The following DGLUCY variants were observed in gnomAD, a reference collection of about 807,000 sequenced individuals.
DGLUCY encodes D-glutamate cyclase, mitochondrial.
DGLUCY carries 58 observed loss-of-function variants against 58.5 expected under a neutral mutation model. The observed-to-expected ratio is 0.99, with a 90% CI of 0.80 to 1.23. The LOEUF is 1.23. DGLUCY is among the 50% of genes most tolerant of loss of function. The probability of loss-of-function intolerance (pLI) is 0.00; values close to 1 mark genes in which losing one functional copy is unlikely to be tolerated. For synonymous variants in DGLUCY, 325 were observed against 314.1 expected, an observed-to-expected ratio of 1.03 and a Z score of -0.37; for missense variants, 779 against 784.7, an observed-to-expected ratio of 0.99 and a Z score of 0.09.
chr14:91,154,428 TG>T (rs2047499419), intron 1 of DGLUCY, among the ~76,000 whole-genome samples: 1 of 152,192 alleles, frequency 6.6e-6, no homozygotes, highest in South Asian at 2.1e-4. Context: ...GGGATGACTT[TG>T]GGTTCTGTCT....
At chr14:91,132,155 C>T (rs746975765) in intron 1 of DGLUCY, among the ~76,000 whole-genome samples, 2 of 152,204 alleles carry the variant, frequency 1.3e-5, no homozygotes, top group Admixed American at 6.6e-5. Flanking sequence ...AGTTTCCAGA[C>T]ATGGCTATGG....
intron 1 of DGLUCY, among the ~76,000 whole-genome samples, chr14:91,067,333 C>T (rs1290079258): frequency 1.3e-5 from 2 of 151,962 alleles, no homozygotes; most frequent in Admixed American, 1.3e-4. Flanking sequence ...GGGGAGAGGG[C>T]CTCACTTGGC....
At chr14:91,060,576 T>C in exon 1 of DGLUCY, 1 of 1,108,870 alleles carries the variant, frequency 9.0e-7, no homozygotes, top group Non-Finnish European at 1.1e-6. Flanking sequence ...ACGAGTCTCT[T>C]TCCCGCTCTG....
rs761464837 is a variant in DGLUCY at position 91,173,329 on chromosome 14, C to T, written c.497C>T (p.Pro166Leu). Residue 166 changes from proline (P) to leucine (L), a missense_variant, in exon 6 of 14, where the codon CCT becomes CTT. Pro to Leu is a moderately conservative substitution (Grantham distance 98, BLOSUM62 -3). Coordinates refer to ENST00000256324, the MANE Select transcript of DGLUCY (RefSeq NM_001102368.3). ...GTTACCCATGCTGGCTTCTGCTGCC[C>T]TCTGGTGGTCACGATGAGGCCCATT... ...PCVTHAGFCC[P>L]LVVTMRPIPK... 1 of 1,613,660 alleles carries T rather than the reference C, an allele frequency of 6.2e-7. No individual in the cohort carries two copies. The highest frequency in any genetic ancestry group is 8.5e-7 in the Non-Finnish European group (1 of 1,179,936).
At chr14:91,062,129 C>A (rs1224027394) in intron 1 of DGLUCY, among the ~76,000 whole-genome samples, 1 of 152,048 alleles carries the variant, frequency 6.6e-6, no homozygotes, top group Non-Finnish European at 1.5e-5. Flanking sequence ...CAGTCATAGA[C>A]AATAAATAAA....
chr14:91,184,331 G>T (rs1021308513), intron 8 of DGLUCY, among the ~76,000 whole-genome samples: 6 of 151,576 alleles, frequency 4.0e-5, no homozygotes, highest in African/African-American at 1.5e-4. Flanking sequence ...ATCACTTGAG[G>T]TCAGGAGTTG....
chr14:91,194,948 G>A (rs939893560), intron 9 of DGLUCY, among the ~76,000 whole-genome samples: 5 of 152,230 alleles, frequency 3.3e-5, no homozygotes, highest in Admixed American at 2.0e-4. Context: ...AGGGGCAGCA[G>A]CATGGCGGAG....
At chr14:91,161,824 T>C (rs1294005704) in intron 3 of DGLUCY, among the ~76,000 whole-genome samples, 1 of 152,036 alleles carries the variant, frequency 6.6e-6, no homozygotes, top group Non-Finnish European at 1.5e-5. Flanking sequence ...TTTTTTTTTT[T>C]TTTTTAAATA....
intron 1 of DGLUCY, among the ~76,000 whole-genome samples, chr14:91,099,608 T>TA (rs1296425036): frequency 1.3e-5 from 2 of 152,036 alleles, no homozygotes; most frequent in African/African-American, 4.8e-5. Flanking sequence ...TCTGTTCCCT[T>TA]AGGTGAATAT....
At chr14:91,172,757 C>T (rs1299143900) in intron 5 of DGLUCY, among the ~76,000 whole-genome samples, 2 of 152,066 alleles carry the variant, frequency 1.3e-5, no homozygotes, top group Non-Finnish European at 1.5e-5. Context: ...AGCCGTTCTC[C>T]TGCCTCAGCC....
chr14:91,154,392 T>A (rs1242477167), intron 1 of DGLUCY, among the ~76,000 whole-genome samples: 1 of 152,204 alleles, frequency 6.6e-6, no homozygotes, highest in Non-Finnish European at 1.5e-5. Context: ...CAATCAGATA[T>A]GCATTTGTCT....
intron 1 of DGLUCY, among the ~76,000 whole-genome samples, chr14:91,108,541 G>GAA (rs1306711087): frequency 6.7e-6 from 1 of 149,158 alleles, no homozygotes; most frequent in Admixed American, 6.7e-5. Flanking sequence ...GAGAGAGAGA[G>GAA]AGAGAGAGAG....
Position 91,183,577 on chromosome 14 carries a change from A to G in DGLUCY, c.934+2188A>G, listed in dbSNP as rs551408669. On this transcript the variant is annotated intron_variant, in intron 8 of 13. Coordinates refer to ENST00000256324, the MANE Select transcript of DGLUCY (RefSeq NM_001102368.3). ...CATGATAAGGATAATGGTGTCACCT[A>G]CCAAGTTATACTGTGCCAGGCAACA... Among the ~76,000 whole-genome samples, 11 of 152,260 alleles carry G rather than the reference A, an allele frequency of 7.2e-5. 1 individual carries two copies. The South Asian group carries it at 2.3e-3, about 32-fold the overall frequency.
intron 12 of DGLUCY, among the ~76,000 whole-genome samples, chr14:91,207,426 G>C (rs931115062): frequency 6.6e-6 from 1 of 152,130 alleles, no homozygotes; most frequent in Admixed American, 6.5e-5. Flanking sequence ...GGGAATACTA[G>C]AAGGAGAAGA....
intron 1 of DGLUCY, among the ~76,000 whole-genome samples, chr14:91,079,716 T>A (rs1235701419): frequency 6.6e-6 from 1 of 152,206 alleles, no homozygotes; most frequent in Non-Finnish European, 1.5e-5. Flanking sequence ...AAGAGCTTTA[T>A]GCAGAAAATA....
chr14:91,065,763 A>G (rs2043809109), intron 1 of DGLUCY, among the ~76,000 whole-genome samples: 1 of 152,198 alleles, frequency 6.6e-6, no homozygotes, highest in Non-Finnish European at 1.5e-5. Flanking sequence ...AGGAGGGAAA[A>G]TTATAAATGA....
intron 1 of DGLUCY, among the ~76,000 whole-genome samples, chr14:91,088,604 T>C (rs2044259692): frequency 6.6e-6 from 1 of 152,154 alleles, no homozygotes; most frequent in Non-Finnish European, 1.5e-5. Flanking sequence ...AGAAAGTGCT[T>C]TCAGGACAGA....
intron 8 of DGLUCY, among the ~76,000 whole-genome samples, chr14:91,187,155 A>G (rs561230430): frequency 1.7e-4 from 26 of 152,096 alleles, no homozygotes; most frequent in Admixed American, 1.0e-3. Flanking sequence ...ACCCACCACC[A>G]TGCCTGGCTA....
intron 1 of DGLUCY, among the ~76,000 whole-genome samples, chr14:91,096,460 C>T (rs1392604530): frequency 1.3e-5 from 2 of 152,016 alleles, no homozygotes; most frequent in Non-Finnish European, 2.9e-5. Context: ...CAGGGAGATG[C>T]ATTATTGAAA....
Sources: allele counts gnomAD v4.1 joint callset (sites outside exome capture counted in the v4.1 genomes callset), GRCh38; gene constraint gnomAD v4.1.1; transcripts MANE v1.5; gene names NCBI Gene and HGNC (gene_info 2026-07-23, HGNC 2026-07-21).